ZNF346: variants seen among roughly 807,000 people sequenced by gnomAD.
The protein encoded by ZNF346 is zinc finger protein 346, also known as double-stranded RNA-binding zinc finger protein JAZ.
In ZNF346, 23 loss-of-function variants were observed where a neutral mutation model predicts 33.7. The ratio of observed to expected loss-of-function variants is 0.68; its 90% confidence interval spans 0.49 to 0.97. The LOEUF (loss-of-function observed/expected upper bound fraction) is 0.97. ZNF346 is among the 50% of genes least tolerant of loss of function. ZNF346 has a pLI of 0.00. For synonymous variants in ZNF346, 134 were observed against 142.4 expected, an observed-to-expected ratio of 0.94 and a Z score of 0.42; for missense variants, 340 against 371.1, an observed-to-expected ratio of 0.92 and a Z score of 0.69.
At chr5:177,047,042 ATT>A (rs1167510158) in intron 4 of ZNF346, among the ~76,000 whole-genome samples, 54 of 150,104 alleles carry the variant, frequency 3.6e-4, no homozygotes, top group South Asian at 1.3e-3. Context: ...TTATTTATTT[ATT>A]TATTTATTTA....
intron 1 of ZNF346, among the ~76,000 whole-genome samples, chr5:177,033,384 C>A (rs1778002379): frequency 6.6e-6 from 1 of 152,170 alleles, no homozygotes; most frequent in African/African-American, 2.4e-5. Context: ...GCCCTAGGAT[C>A]TTTTATTTTC....
chr5:177,067,878 G>C lies in ZNF346; in HGVS notation c.*3279G>C, dbSNP rs1169338735. 6.6e-6 allele frequency among the ~76,000 whole-genome samples: 1 copy of C among 152,140 alleles called. No homozygotes were observed. The highest frequency in any genetic ancestry group is 2.4e-5 in the African/African-American group (1 of 41,418). On this transcript the variant is annotated 3_prime_UTR_variant, in exon 7 of 7. Coordinates refer to ENST00000358149, the MANE Select transcript of ZNF346 (RefSeq NM_012279.4). ...CCAGCACTTTGGGAGGCCAAGGCGG[G>C]TGTATCACTTGCGGCCGGGAGTTTA...
chr5:177,073,824 G>T (rs1783616283), intron 8 of ZNF346, among the ~76,000 whole-genome samples: 1 of 145,346 alleles, frequency 6.9e-6, no homozygotes, highest in African/African-American at 2.7e-5. Context: ...CGGGCGGGCG[G>T]GGGAGGGGGG....
intron 1 of ZNF346, 145 bp from the exon 2 acceptor site, chr5:177,040,981 G>A: frequency 1.5e-6 from 1 of 664,630 alleles, no homozygotes; most frequent in Non-Finnish European, 2.7e-6. Context: ...GAGTCACGGT[G>A]GCAGTAGGAA....
intron 5 of ZNF346, among the ~76,000 whole-genome samples, chr5:177,061,318 G>A (rs1262434938): frequency 6.6e-6 from 1 of 151,788 alleles, no homozygotes; most frequent in Admixed American, 6.6e-5. Flanking sequence ...GGTGGCACAT[G>A]CCTGTAGTTC....
downstream of ZNF346, among the ~76,000 whole-genome samples, chr5:177,069,444 C>T (rs2149716496): frequency 8.2e-6 from 1 of 122,662 alleles, no homozygotes; most frequent in Middle Eastern, 4.0e-3. Context: ...CGTAGTAAGA[C>T]TCTGTCTCAA....
At chr5:177,060,414 G>A (rs953991836) in intron 5 of ZNF346, among the ~76,000 whole-genome samples, 1 of 151,916 alleles carries the variant, frequency 6.6e-6, no homozygotes, top group Non-Finnish European at 1.5e-5. Context: ...CCAGCTACTC[G>A]AGAGGCTGAA....
At chr5:177,072,049 T>C (rs868783803), downstream of ZNF346, among the ~76,000 whole-genome samples, 1 of 152,192 alleles carries the variant, frequency 6.6e-6, no homozygotes, top group South Asian at 2.1e-4. Flanking sequence ...TCTAGCAAGG[T>C]AGACCAGCCC....
chr5:177,044,874 A>G (rs1012302150), intron 4 of ZNF346, among the ~76,000 whole-genome samples: 3 of 152,194 alleles, frequency 2.0e-5, no homozygotes, highest in African/African-American at 4.8e-5. Context: ...CCATCCCAGC[A>G]TCCACCTGCC....
chr5:177,036,429 T>C (rs1335303547), intron 1 of ZNF346, among the ~76,000 whole-genome samples: 1 of 152,200 alleles, frequency 6.6e-6, no homozygotes, highest in Non-Finnish European at 1.5e-5. Flanking sequence ...ACCTGGAGCC[T>C]ATAAGCCCTT....
chr5:177,027,267 G>A (rs1561960570), intron 1 of ZNF346, among the ~76,000 whole-genome samples: 1 of 151,810 alleles, frequency 6.6e-6, no homozygotes, highest in Non-Finnish European at 1.5e-5. Context: ...TGGTCAGGCT[G>A]GTCTCAAACT....
rs1188289737 is a variant in ZNF346 at position 177,041,823 on chromosome 5, G to A, written c.325G>A (p.Gly109Arg). The A allele has an allele frequency of 1.9e-6, 3 of 1,613,768 alleles. No homozygotes were observed. Among genetic ancestry groups the A allele is most frequent in the Non-Finnish European group, 2.5e-6 (3 of 1,179,752 alleles). ...AGTGAAGAGATACCTAGCAATCCAT[G>A]GAATGGAGACATTAAAGGGGGAAAC... is the stretch of plus-strand genomic sequence containing the variant. ...NKVKRYLAIH[G>R]METLKGETKK... The change falls in exon 3 of 7, where the codon GGA (glycine) becomes AGA (arginine). Residue 109 changes from glycine (G) to arginine (R), a missense_variant. Gly to Arg is a moderately radical substitution (Grantham distance 125). Coordinates refer to ENST00000358149, the MANE Select transcript of ZNF346 (RefSeq NM_012279.4).
chr5:177,064,019 T>C (rs1040374887), intron 6 of ZNF346, among the ~76,000 whole-genome samples: 1 of 152,180 alleles, frequency 6.6e-6, no homozygotes, highest in African/African-American at 2.4e-5. Context: ...CCCAAACCCA[T>C]CTTTTACAAC....
chr5:177,023,197 A>G (rs1251048921), intron 1 of ZNF346: 1 of 1,536,166 alleles, frequency 6.5e-7, no homozygotes, highest in East Asian at 2.4e-5. Context: ...TCATCCCTAT[A>G]CTCGTCCTGT....
At chr5:177,055,649 C>T (rs1010813000) in intron 5 of ZNF346, among the ~76,000 whole-genome samples, 2 of 149,658 alleles carry the variant, frequency 1.3e-5, no homozygotes, top group Admixed American at 6.6e-5. Context: ...TGATTAAAAT[C>T]GAAAACTAGG....
At chr5:177,076,795 G>C (rs530465549) in intron 8 of ZNF346, among the ~76,000 whole-genome samples, 1 of 152,228 alleles carries the variant, frequency 6.6e-6, no homozygotes, top group East Asian at 1.9e-4. Flanking sequence ...AATCCCAGCA[G>C]TTTGGGAGGC....
intron 1 of ZNF346, among the ~76,000 whole-genome samples, chr5:177,032,190 G>C (rs1408088964): frequency 6.6e-6 from 1 of 151,706 alleles, no homozygotes; most frequent in Non-Finnish European, 1.5e-5. Flanking sequence ...TTTTAGTACA[G>C]ATGGAGTTTC....
Position 177,022,778 on chromosome 5 carries a change from G to A in ZNF346, c.40G>A (p.Gly14Ser). Reference protein sequence around the residue: ...PAPATVQAADGGAAGPYSSSE... With the variant: ...PAPATVQAADSGAAGPYSSSE... ...GCCGGCCACGGTGCAGGCCGCGGACGGCGGAGCGGCCGGGCCTTACAGCAG... is the reference window on the plus strand; with the variant it reads ...GCCGGCCACGGTGCAGGCCGCGGACAGCGGAGCGGCCGGGCCTTACAGCAG... Residue 14 changes from glycine (G) to serine (S), a missense_variant, in exon 1 of 7, where the codon GGC (glycine) becomes AGC (serine). Physicochemically the swap from Gly to Ser is moderately conservative, Grantham distance 56. Coordinates refer to ENST00000358149, the MANE Select transcript of ZNF346 (RefSeq NM_012279.4). The A allele has an allele frequency of 6.4e-7, 1 of 1,552,824 alleles. No homozygotes were observed. Among genetic ancestry groups the A allele is most frequent in the East Asian group, 2.5e-5 (1 of 40,816 alleles).
intron 5 of ZNF346, among the ~76,000 whole-genome samples, chr5:177,057,797 C>CTTATTTAT (rs200388195): frequency 0.031 from 4,106 of 133,270 alleles, 99 homozygotes; most frequent in African/African-American, 0.057. Context: ...CATAGATTTT[C>CTTATTTAT]TTATTTATTT....
Sources: gnomAD v4.1 joint callset for allele counts (sites outside exome capture counted in the v4.1 genomes callset) on GRCh38, gnomAD v4.1.1 for gene constraint, MANE v1.5 for transcripts, NCBI Gene and HGNC (gene_info 2026-07-23, HGNC 2026-07-21) for gene names.